ARRDC2: variants seen among roughly 807,000 people sequenced by gnomAD.
The protein encoded by ARRDC2 is arrestin domain-containing protein 2.
Under a neutral mutation model 38.9 loss-of-function variants are expected in ARRDC2, and 39 were observed. The observed-to-expected ratio is 1.00, with a 90% confidence interval of 0.78 to 1.31. The LOEUF (loss-of-function observed/expected upper bound fraction) is 1.31. ARRDC2 is among the 50% of genes most tolerant of loss of function. The pLI is 0.00. For missense variants in ARRDC2, 553 were observed against 588.4 expected (o/e 0.94, Z 0.62); for synonymous variants, 300 against 261.9 (o/e 1.15, Z -1.41).
upstream of ARRDC2, chr19:18,008,121 ACCCCCC>A: frequency 8.2e-6 from 3 of 364,066 alleles, no homozygotes; most frequent in Non-Finnish European, 1.2e-5. Context: ...CGGTGACCCC[ACCCCCC>A]CCCGCCCTGC....
At chr19:18,006,784 C>T (rs144689512), upstream of ARRDC2, among the ~76,000 whole-genome samples, 13 of 152,308 alleles carry the variant, frequency 8.5e-5, no homozygotes, top group East Asian at 2.3e-3. Flanking sequence ...GGTCCGTCTG[C>T]GAAATGAATT....
chr19:18,007,411 C>G (rs1206519009), upstream of ARRDC2: 1 of 152,340 alleles, frequency 6.6e-6, no homozygotes, highest in Admixed American at 6.5e-5. Context: ...AAGGGAACAT[C>G]ATTTCGTAGG....
upstream of ARRDC2, among the ~76,000 whole-genome samples, chr19:18,005,044 G>A (rs149042677): frequency 6.6e-4 from 101 of 151,964 alleles, no homozygotes; most frequent in African/African-American, 2.3e-3. Context: ...ATCATTCTTG[G>A]GTGTTTCTTG....
chr19:18,008,130 C>CG, upstream of ARRDC2: 1 of 1,088,058 alleles, frequency 9.2e-7, no homozygotes, highest in South Asian at 1.7e-5. Flanking sequence ...CACCCCCCCC[C>CG]GCCCTGCCGT....
At chr19:18,008,088 C>G, upstream of ARRDC2, 1 of 1,205,186 alleles carries the variant, frequency 8.3e-7, no homozygotes, top group Non-Finnish European at 1.1e-6. Flanking sequence ...TTGGTGGAGT[C>G]CCTTCCCGGG....
At position 18,009,703 on chromosome 19, in the gene ARRDC2, C is replaced by T. The variant is rs765007837; in HGVS notation, c.592+9C>T. The T allele has an allele frequency of 1.1e-5, 17 of 1,611,366 alleles. No individual in the cohort carries two copies. In the South Asian group the frequency reaches 1.3e-4, roughly 13 times the overall value. ...CAAGGGCTACACCCCAGGTAGCAGG[C>T]GGACCGGACTGGGTTGGGACGGGGG... On this transcript the variant is annotated intron_variant, in intron 4 of 7. Transcript: ENST00000222250.
intron 7 of ARRDC2, among the ~76,000 whole-genome samples, chr19:18,011,283 TAC>T (rs2033406745): frequency 6.6e-6 from 1 of 151,964 alleles, no homozygotes. Context: ...ATGCGTGAGC[TAC>T]CACGCCCGGC....
upstream of ARRDC2, chr19:18,008,116 A>AGGGGCC: frequency 3.6e-5 from 19 of 522,494 alleles, no homozygotes; most frequent in South Asian, 4.1e-5. Context: ...AGAGACGGTG[A>AGGGGCC]CCCCACCCCC....
At chr19:18,012,356 G>A (rs1056258159) in intron 7 of ARRDC2, among the ~76,000 whole-genome samples, 4 of 151,906 alleles carry the variant, frequency 2.6e-5, no homozygotes, top group African/African-American at 9.7e-5. Flanking sequence ...GGAGGCTGAG[G>A]TGGGCAGATC....
upstream of ARRDC2, chr19:18,008,121 A>ACCCCCCCCCCCCCCCCCCCCCC: frequency 5.5e-6 from 2 of 364,080 alleles, no homozygotes; most frequent in South Asian, 2.8e-5. Flanking sequence ...CGGTGACCCC[A>ACCCCCCCCCCCCCCCCCCCCCC]CCCCCCCCCG....
chr19:18,009,131 C>G lies in ARRDC2; in HGVS notation c.489+13C>G. The G allele has an allele frequency of 1.2e-6, 2 of 1,612,812 alleles. No individual in the cohort carries two copies. Among genetic ancestry groups the G allele is most frequent in the Non-Finnish European group, 1.7e-6 (2 of 1,179,618 alleles). ...GCCAGCCCTGCTGGTGAGTGGCCACCCTTGGGGAGGTAGGTTGGGAGTATT... is the reference window on the plus strand; with the variant it reads ...GCCAGCCCTGCTGGTGAGTGGCCACGCTTGGGGAGGTAGGTTGGGAGTATT... On this transcript the variant is annotated intron_variant, in intron 3 of 7. Transcript: ENST00000222250.
Position 18,008,770 on chromosome 19 carries a change from C to T in ARRDC2, c.334C>T (p.Leu112=), listed in dbSNP as rs746617024. The part of the protein sequence containing the change: ...GRHEFLFSFQ[L]PPTLVTSFEG... ...CCATGAGTTCCTGTTCAGCTTCCAG[C>T]TGCCCCCGTAAGTCCTCTGGGGTGC... is the stretch of plus-strand genomic sequence containing the variant. Residue 112 remains leucine (L), a synonymous_variant, in exon 2 of 8, where the codon CTG becomes TTG. Transcript: ENST00000222250. 6.2e-7 allele frequency: 1 copy of T among 1,613,410 alleles called. No homozygotes were observed.
chr19:18,008,182 C>G lies in ARRDC2; in HGVS notation c.-129C>G, dbSNP rs1213207613. On this transcript the variant is annotated 5_prime_UTR_variant, in exon 1 of 8. Coordinates refer to ENST00000222250, the MANE Select transcript of ARRDC2 (RefSeq NM_015683.2). ...CGCACGGCGCGGGGATTTTCTGCTC[C>G]GGTTGGTGAGCGCGCCTGCGCGTTG... The G allele has an allele frequency of 4.3e-6, 6 of 1,407,882 alleles. No homozygotes were observed. The highest frequency in any genetic ancestry group is 3.3e-5 in the East Asian group (1 of 30,040). 87.2% of individuals were successfully genotyped at this position (1,407,882 alleles called of 1,614,324 possible). A position where few individuals can be genotyped will look rare whatever the true frequency, so the allele number is the denominator to read the frequency against.
At chr19:18,006,250 C>T (rs1056435087), upstream of ARRDC2, among the ~76,000 whole-genome samples, 1 of 152,064 alleles carries the variant, frequency 6.6e-6, no homozygotes, top group East Asian at 1.9e-4. Context: ...GCTGCAATCT[C>T]GGCACTTTGG....
At chr19:18,003,473 G>A (rs186102027), upstream of ARRDC2, among the ~76,000 whole-genome samples, 117 of 149,400 alleles carry the variant, frequency 7.8e-4, 1 homozygote, top group African/African-American at 2.6e-3. Context: ...TTGTTTTTCT[G>A]AGACAGAGTC....
chr19:18,010,274 T>G lies in ARRDC2; in HGVS notation c.928T>G (p.Phe310Val). 2 of 1,613,716 alleles carry G rather than the reference T, an allele frequency of 1.2e-6. No homozygotes were observed. Among genetic ancestry groups the G allele is most frequent in the South Asian group, 2.2e-5 (2 of 91,078 alleles). Residue 310 changes from phenylalanine to valine, a missense_variant, in exon 6 of 8, where the codon TTT (phenylalanine) becomes GTT (valine). Physicochemically the swap from Phe to Val is conservative, Grantham distance 50. Coordinates refer to ENST00000222250, the MANE Select transcript of ARRDC2 (RefSeq NM_015683.2). ...LVIGTIPLHP[F>V]GSRSSSVGSH... ...GATCGGCACCATTCCCTTGCACCCT[T>G]TTGGCAGCCGTTCCTCCAGCGTGGG...
chr19:18,008,134 CTGCCG>C, upstream of ARRDC2: 3 of 1,301,160 alleles, frequency 2.3e-6, no homozygotes, highest in South Asian at 1.5e-5. Context: ...CCCCCCCGCC[CTGCCG>C]TATAAAAGCG....
intron 7 of ARRDC2, 147 bp downstream of exon 7, chr19:18,010,876 A>G (rs574409917): frequency 5.7e-6 from 5 of 882,648 alleles, no homozygotes; most frequent in African/African-American, 1.7e-5. Context: ...GTGCAGTGGC[A>G]TAATCATAGC....
chr19:18,006,742 G>A (rs530094687), upstream of ARRDC2, among the ~76,000 whole-genome samples: 18 of 152,286 alleles, frequency 1.2e-4, no homozygotes, highest in African/African-American at 3.6e-4. Flanking sequence ...GTGTGACCTC[G>A]GGCAGAGCCC....
Sources: allele counts gnomAD v4.1 joint callset (sites outside exome capture counted in the v4.1 genomes callset), GRCh38; gene constraint gnomAD v4.1.1; transcripts MANE v1.5; gene names NCBI Gene and HGNC (gene_info 2026-07-23, HGNC 2026-07-21).